The following DCLK1 variants were observed in gnomAD, a reference collection of about 807,000 sequenced individuals.
DCLK1 encodes the protein doublecortin like kinase 1.
Under a neutral mutation model 86.2 loss-of-function variants are expected in DCLK1, and 16 were observed. The ratio of observed to expected loss-of-function variants is 0.19; its 90% CI spans 0.13 to 0.28. The LOEUF is 0.28. DCLK1 is among the 10% of genes least tolerant of loss of function. DCLK1 has a pLI of 1.00. For missense variants in DCLK1, 590 were observed against 940.2 expected (o/e 0.63, Z 4.87); for synonymous variants, 369 against 370.5 (o/e 1.00, Z 0.05).
intron 6 of DCLK1, chr13:35,848,821 G>A (rs920920376): frequency 1.0e-6 from 1 of 985,098 alleles, no homozygotes; most frequent in African/African-American, 1.7e-5. Context: ...AATCTTTTAT[G>A]GACCCAACTG....
intron 3 of DCLK1, among the ~76,000 whole-genome samples, chr13:36,068,042 A>C (rs1297699752): frequency 3.9e-5 from 6 of 152,226 alleles, no homozygotes; most frequent in African/African-American, 1.4e-4. Context: ...GAAAAAACTT[A>C]AGTATTAAGA....
At chr13:35,870,319 T>G (rs892512468) in intron 5 of DCLK1, among the ~76,000 whole-genome samples, 1 of 152,106 alleles carries the variant, frequency 6.6e-6, no homozygotes, top group Admixed American at 6.5e-5. Flanking sequence ...GAGGGCTGGG[T>G]GGTCTAGCTG....
At chr13:35,937,263 G>A (rs9531240) in intron 4 of DCLK1, among the ~76,000 whole-genome samples, 25,826 of 151,820 alleles carry the variant, frequency 0.17, 2,401 homozygotes, top group East Asian at 0.24. Context: ...GTGAGCCACC[G>A]CACCCGGTCC....
chr13:35,822,108 TTCCCCAAGTAAAA>T (rs950387965), intron 11 of DCLK1, among the ~76,000 whole-genome samples: 1 of 152,102 alleles, frequency 6.6e-6, no homozygotes, highest in Non-Finnish European at 1.5e-5. Context: ...TCCTTTTTTT[TTCCCCAAGTAAAA>T]ACTTCTTTTT....
intron 4 of DCLK1, among the ~76,000 whole-genome samples, chr13:35,894,975 C>G (rs115074178): frequency 0.012 from 1,859 of 152,310 alleles, 40 homozygotes; most frequent in African/African-American, 0.043. Context: ...GAGACAGGGT[C>G]TAGCTCTGTT....
intron 6 of DCLK1, among the ~76,000 whole-genome samples, chr13:35,841,971 T>C (rs949442437): frequency 6.6e-6 from 1 of 151,990 alleles, no homozygotes; most frequent in Non-Finnish European, 1.5e-5. Context: ...TCAGATGGCC[T>C]CTGTCCAAAT....
chr13:35,926,303 C>T (rs1876116780), intron 4 of DCLK1, among the ~76,000 whole-genome samples: 1 of 152,212 alleles, frequency 6.6e-6, no homozygotes, highest in African/African-American at 2.4e-5. Context: ...AGTGATCCGC[C>T]CTCTTAGGCC....
At position 36,056,904 on chromosome 13, in the gene DCLK1, A is replaced by ATATAT. The variant is rs1370008774; in HGVS notation, c.723+54964_723+54965insATATA. ...GAGCAAGACTGTGACAAAAAAAAAA[A>ATATAT]AAATATATATATATATATATATACA... On this transcript the variant is annotated intron_variant, in intron 3 of 16. Coordinates refer to ENST00000360631, the MANE Select transcript of DCLK1 (RefSeq NM_001330071.2). Among the ~76,000 whole-genome samples the ATATAT allele has an allele frequency of 6.0e-3, 764 of 127,310 alleles. 2 individuals carry two copies. The highest frequency in any genetic ancestry group is 0.017 in the Middle Eastern group (4 of 242). The allele number at this position is 127,310 out of a possible 152,430, so 83.5% of individuals were successfully genotyped here. A position where few individuals can be genotyped will look rare whatever the true frequency, so the allele number is the denominator to read the frequency against.
intron 4 of DCLK1, among the ~76,000 whole-genome samples, chr13:35,910,530 A>G (rs1181650707): frequency 6.6e-6 from 1 of 152,234 alleles, no homozygotes; most frequent in Non-Finnish European, 1.5e-5. Context: ...TGCTGGAAAT[A>G]AAAAGGTTGA....
intron 16 of DCLK1, among the ~76,000 whole-genome samples, chr13:35,775,948 C>T (rs768590693): frequency 2.6e-5 from 4 of 152,116 alleles, no homozygotes; most frequent in Admixed American, 1.3e-4. Flanking sequence ...GTGTGTAGAA[C>T]CAGTACAGTA....
chr13:35,913,684 C>T (rs991301484), intron 4 of DCLK1, among the ~76,000 whole-genome samples: 4 of 151,848 alleles, frequency 2.6e-5, no homozygotes, highest in South Asian at 2.1e-4. Flanking sequence ...CAGAATAAAC[C>T]GAATTCTTGT....
chr13:35,959,504 GATTA>G (rs1878337499), intron 3 of DCLK1, among the ~76,000 whole-genome samples: 1 of 152,140 alleles, frequency 6.6e-6, no homozygotes, highest in Non-Finnish European at 1.5e-5. Context: ...AGGCCAGATT[GATTA>G]ATTTTCTGTG....
At chr13:35,878,359 G>C (rs767594746) in intron 4 of DCLK1, among the ~76,000 whole-genome samples, 1 of 152,040 alleles carries the variant, frequency 6.6e-6, no homozygotes, top group South Asian at 2.1e-4. Flanking sequence ...TACTCCACCC[G>C]TTTTCTGAGT....
At chr13:35,829,663 G>A (rs1471569573) in intron 8 of DCLK1, among the ~76,000 whole-genome samples, 1 of 152,070 alleles carries the variant, frequency 6.6e-6, no homozygotes, top group Non-Finnish European at 1.5e-5. Flanking sequence ...CTTTTTCATG[G>A]TGCCGGCCTC....
chr13:35,952,971 T>A (rs1386215601), intron 3 of DCLK1, among the ~76,000 whole-genome samples: 2 of 152,214 alleles, frequency 1.3e-5, no homozygotes, highest in African/African-American at 2.4e-5. Context: ...TGAACTTGGA[T>A]GAGTGACTTA....
At chr13:35,952,824 G>A (rs1209984525) in intron 3 of DCLK1, among the ~76,000 whole-genome samples, 2 of 152,054 alleles carry the variant, frequency 1.3e-5, no homozygotes, top group East Asian at 1.9e-4. Context: ...TCTATGTGAT[G>A]GTGCTTAGCA....
rs570873795 is a variant in DCLK1 at position 35,882,706 on chromosome 13, C to T, written c.824-11366G>A. ...CTGCAAAAGGAACAATTCCCCAATACTGCCACCTTGCCTGGTTAACGTTCT... is the reference window on the plus strand; with the variant it reads ...CTGCAAAAGGAACAATTCCCCAATATTGCCACCTTGCCTGGTTAACGTTCT... On this transcript the variant is annotated intron_variant, in intron 4 of 16. Transcript: ENST00000360631. Among the ~76,000 whole-genome samples the T allele has an allele frequency of 2.0e-4, 31 of 152,104 alleles. 2 individuals are homozygous for T. Among genetic ancestry groups the T allele is most frequent in the African/African-American group, 7.3e-4 (30 of 41,362 alleles).
rs1270645749 is a variant in DCLK1 at position 36,046,169 on chromosome 13, C to T, written c.723+65700G>A. 2.0e-5 allele frequency among the ~76,000 whole-genome samples: 3 copies of T among 152,086 alleles called. No homozygotes were observed. In the East Asian group the frequency reaches 5.8e-4, roughly 29 times the overall value. On this transcript the variant is annotated intron_variant, in intron 3 of 16. Coordinates refer to ENST00000360631, the MANE Select transcript of DCLK1 (RefSeq NM_001330071.2). ...TTTCTAATAAGAATTTCTCTCCTTG[C>T]TTAATAAGCTTGCAGAAGCAAACAT... is the stretch of plus-strand genomic sequence containing the variant.
intron 6 of DCLK1, among the ~76,000 whole-genome samples, chr13:35,851,138 T>C (rs1487243153): frequency 6.6e-6 from 1 of 152,180 alleles, no homozygotes; most frequent in African/African-American, 2.4e-5. Context: ...GGAACGTGCT[T>C]ACCTCACAAT....
Sources: allele counts gnomAD v4.1 joint callset (sites outside exome capture counted in the v4.1 genomes callset), GRCh38; gene constraint gnomAD v4.1.1; transcripts MANE v1.5; gene names NCBI Gene and HGNC (gene_info 2026-07-23, HGNC 2026-07-21).